GRK4: variants seen among roughly 807,000 people sequenced by gnomAD.
The protein encoded by GRK4 is G protein-coupled receptor kinase 4, also known as G protein-coupled receptor kinase 2-like.
Under a neutral mutation model 77.9 loss-of-function variants are expected in GRK4, and 73 were observed. That is an observed-to-expected ratio of 0.94 (90% CI 0.78 to 1.14). The LOEUF (loss-of-function observed/expected upper bound fraction) is 1.14. Among genes scored for constraint, GRK4 ranks in the 50% most tolerant of loss-of-function variants. The probability of loss-of-function intolerance (pLI) is 0.00; values close to 1 mark genes in which losing one functional copy is unlikely to be tolerated. For missense variants in GRK4, 729 were observed against 700.2 expected (o/e 1.04, Z -0.46); for synonymous variants, 257 against 254.4 (o/e 1.01, Z -0.10).
At chr4:3,024,993 G>A (rs186435264) in intron 10 of GRK4, among the ~76,000 whole-genome samples, 9 of 152,030 alleles carry the variant, frequency 5.9e-5, no homozygotes, top group Admixed American at 3.3e-4. Context: ...CTCAGAGGCC[G>A]GGCACAGTGG....
intron 4 of GRK4, among the ~76,000 whole-genome samples, chr4:2,995,506 TAA>T (rs35993504): frequency 0.39 from 36,438 of 93,070 alleles, 5,900 homozygotes; most frequent in Middle Eastern, 0.48. Context: ...TCATCTCTAC[TAA>T]AAAAAAAAAA....
chr4:2,964,225 T>G, intron 1 of GRK4, 103 bp downstream of exon 1: 1 of 948,058 alleles, frequency 1.1e-6, no homozygotes, highest in Non-Finnish European at 1.5e-6. Context: ...AGAACCCCGA[T>G]TTCCCTGGAG....
chr4:2,988,981 G>A (rs1196005332), intron 3 of GRK4, 142 bp downstream of exon 3: 2 of 589,578 alleles, frequency 3.4e-6, no homozygotes, highest in Non-Finnish European at 6.2e-6. Context: ...TCAGGAGATC[G>A]AGACCATCCT....
chr4:2,974,926 G>A (rs1356423762), intron 1 of GRK4, among the ~76,000 whole-genome samples: 1 of 152,226 alleles, frequency 6.6e-6, no homozygotes, highest in Non-Finnish European at 1.5e-5. Flanking sequence ...TAGGACAGCT[G>A]GCTGTCTGTG....
intron 8 of GRK4, among the ~76,000 whole-genome samples, chr4:3,017,738 A>G (rs1192929873): frequency 1.3e-5 from 2 of 152,216 alleles, no homozygotes; most frequent in Non-Finnish European, 2.9e-5. Context: ...GAATAAAGGG[A>G]AGAACCATAT....
At chr4:2,984,040 C>T (rs1723567311) in intron 1 of GRK4, among the ~76,000 whole-genome samples, 1 of 152,288 alleles carries the variant, frequency 6.6e-6, no homozygotes, top group South Asian at 2.1e-4. Context: ...TGGTCCCTCC[C>T]TCGACATGTG....
intron 1 of GRK4, among the ~76,000 whole-genome samples, chr4:2,967,099 A>G (rs534593346): frequency 6.6e-6 from 1 of 152,368 alleles, no homozygotes; most frequent in Non-Finnish European, 1.5e-5. Context: ...TACCATGGAC[A>G]CAGAAAGAAG....
chr4:3,010,846 C>T (rs557168296), intron 7 of GRK4, among the ~76,000 whole-genome samples: 110 of 152,268 alleles, frequency 7.2e-4, no homozygotes, highest in African/African-American at 2.4e-3. Context: ...ACCTAGGAGG[C>T]AGCACACTGC....
At chr4:2,964,147 AC>A (rs142156088) in intron 1 of GRK4, 25 bp downstream of exon 1, 53,829 of 983,846 alleles carry the variant, frequency 0.055, 159 homozygotes, top group South Asian at 0.13. Flanking sequence ...GGCGCCCCCG[AC>A]CCCCCCCCCA....
rs57735987 is a variant in GRK4 at position 2,990,504 on chromosome 4, G to A, written c.261+1665G>A. On this transcript the variant is annotated intron_variant, in intron 3 of 15. Transcript: ENST00000398052. ...ACTCCTGACCTCAGGTGATCTGCCC[G>A]TCTCGGCCTCCCAAAGTGCTAGGAT... 5.3e-3 allele frequency among the ~76,000 whole-genome samples: 812 copies of A among 152,122 alleles called. 12 individuals carry two copies. The East Asian group carries it at 0.074, about 14-fold the overall frequency.
rs556207889 is a variant in GRK4 at position 2,973,063 on chromosome 4, G to C, written c.52+8941G>C. On this transcript the variant is annotated intron_variant, in intron 1 of 15. Coordinates refer to ENST00000398052, the MANE Select transcript of GRK4 (RefSeq NM_182982.3). ...TTATTTACTCTTCAAACAAGTGTGG[G>C]GTCAGTTAGATGCTGGGTGCTGAGT... Among the ~76,000 whole-genome samples, 3 of 152,262 alleles carry C rather than the reference G, an allele frequency of 2.0e-5. No individual in the cohort carries two copies. In the South Asian group the frequency reaches 6.2e-4, roughly 32 times the overall value.
At chr4:2,980,275 G>T (rs1195264166) in intron 1 of GRK4, among the ~76,000 whole-genome samples, 1 of 152,066 alleles carries the variant, frequency 6.6e-6, no homozygotes, top group Non-Finnish European at 1.5e-5. Flanking sequence ...AGCCTTCACT[G>T]CCTGGAGCTG....
chr4:2,987,412 C>T (rs930160967), intron 2 of GRK4, among the ~76,000 whole-genome samples: 1 of 152,102 alleles, frequency 6.6e-6, no homozygotes, highest in Admixed American at 6.5e-5. Flanking sequence ...ATGTACTAGG[C>T]TTTTAAAAAA....
At chr4:2,981,347 A>T (rs892355978) in intron 1 of GRK4, among the ~76,000 whole-genome samples, 1 of 152,240 alleles carries the variant, frequency 6.6e-6, no homozygotes, top group Non-Finnish European at 1.5e-5. Flanking sequence ...AATGAGGTAC[A>T]CAGACAACTG....
chr4:3,004,181 T>C (rs762720626), intron 4 of GRK4, 50 bp from the exon 5 acceptor site: 2 of 1,264,646 alleles, frequency 1.6e-6, no homozygotes, highest in South Asian at 2.5e-5. Context: ...TGTTCACTAG[T>C]AAGTTATGAA....
In GRK4 at chr4:3,007,848, TTGA is replaced by T. The variant is rs1190191512; in HGVS notation, c.536+22_536+24del. 2 of 1,551,878 alleles carry T rather than the reference TTGA, an allele frequency of 1.3e-6. No homozygotes were observed. Among genetic ancestry groups the T allele is most frequent in the Non-Finnish European group, 1.8e-6 (2 of 1,132,644 alleles). On this transcript the variant is annotated intron_variant, in intron 6 of 15. Transcript: ENST00000398052. ...GGAAAGGTATGTACTGATTTTAAAC[TTGA>T]TAAAAGCCAATTGAGGTGGCACATG...
chr4:3,013,965 CT>C (rs750872558), intron 8 of GRK4, 137 bp downstream of exon 8: 30 of 896,930 alleles, frequency 3.3e-5, no homozygotes, highest in Non-Finnish European at 4.7e-5. Context: ...GGGGTTTGCT[CT>C]TTTTAGTAAC....
Position 3,020,417 on chromosome 4 carries a change from G to A in GRK4, c.932+586G>A, listed in dbSNP as rs1735744727. Among the ~76,000 whole-genome samples, 2 of 152,088 alleles carry A rather than the reference G, an allele frequency of 1.3e-5. 1 individual carries two copies. The highest frequency in any genetic ancestry group is 4.1e-4 in the South Asian group (2 of 4,820). ...AGCATAAGAAGAGCCCATTTCCAAG[G>A]TTCTTAGGTATGTTGATAGTTCTGA... On this transcript the variant is annotated intron_variant, in intron 9 of 15. Transcript: ENST00000398052.
chr4:2,995,775 C>T (rs2109726996), intron 4 of GRK4, among the ~76,000 whole-genome samples: 1 of 152,172 alleles, frequency 6.6e-6, no homozygotes. Context: ...TGGTTACTGG[C>T]AGGGTTTTAA....
Sources: allele counts gnomAD v4.1 joint callset (sites outside exome capture counted in the v4.1 genomes callset), GRCh38; gene constraint gnomAD v4.1.1; transcripts MANE v1.5; gene names NCBI Gene and HGNC (gene_info 2026-07-23, HGNC 2026-07-21).